The following FRMD4A variants were observed in gnomAD, a reference collection of about 807,000 sequenced individuals.
FRMD4A encodes the protein FERM domain containing 4A.
In FRMD4A, 29 loss-of-function variants were observed where a neutral mutation model predicts 129.1. The observed-to-expected ratio is 0.22, with a 90% confidence interval of 0.17 to 0.31. FRMD4A has a LOEUF of 0.31. FRMD4A is among the 10% of genes least tolerant of loss of function. The pLI is 1.00. For synonymous variants in FRMD4A, 634 were observed against 571.6 expected (o/e 1.11, Z -1.56); for missense variants, 1,272 against 1,375.8 (o/e 0.92, Z 1.19).
intron 5 of FRMD4A, among the ~76,000 whole-genome samples, chr10:13,794,976 G>A (rs1321513671): frequency 6.6e-6 from 1 of 152,162 alleles, no homozygotes; most frequent in Non-Finnish European, 1.5e-5. Context: ...CACCACCAAC[G>A]TCAAGGTGCC....
At chr10:13,711,340 C>G (rs1475047408) in intron 12 of FRMD4A, among the ~76,000 whole-genome samples, 2 of 152,268 alleles carry the variant, frequency 1.3e-5, no homozygotes, top group African/African-American at 4.8e-5. Flanking sequence ...ACAGGAGATG[C>G]TCCACCTTGC....
intron 2 of FRMD4A, among the ~76,000 whole-genome samples, chr10:14,323,660 C>T (rs1843151753): frequency 6.6e-6 from 1 of 152,128 alleles, no homozygotes; most frequent in African/African-American, 2.4e-5. Flanking sequence ...TTTTTGGAAC[C>T]TGCTTTTCCC....
intron 2 of FRMD4A, among the ~76,000 whole-genome samples, chr10:14,064,585 T>A (rs1834966740): frequency 6.6e-6 from 1 of 152,134 alleles, no homozygotes; most frequent in Non-Finnish European, 1.5e-5. Flanking sequence ...ATTTTTTTAT[T>A]TATTTATTTT....
intron 6 of FRMD4A, among the ~76,000 whole-genome samples, chr10:13,772,047 G>A (rs1224418194): frequency 6.6e-6 from 1 of 150,910 alleles, no homozygotes; most frequent in African/African-American, 2.4e-5. Flanking sequence ...AACCCAGGAG[G>A]CAGAGGTTGC....
chr10:14,042,924 C>CAAAAAAAAAAAAA (rs57492155), intron 2 of FRMD4A, among the ~76,000 whole-genome samples: 1 of 62,800 alleles, frequency 1.6e-5, no homozygotes, highest in Admixed American at 2.1e-4. Flanking sequence ...GACTCCATCT[C>CAAAAAAAAAAAAA]AAAAAAAAAA....
intron 2 of FRMD4A, among the ~76,000 whole-genome samples, chr10:14,183,120 T>C (rs1268263631): frequency 1.3e-5 from 2 of 152,172 alleles, no homozygotes; most frequent in Non-Finnish European, 2.9e-5. Context: ...ACAAGAACAC[T>C]GAAGTTTACA....
intron 2 of FRMD4A, among the ~76,000 whole-genome samples, chr10:14,055,377 G>A (rs1341288401): frequency 6.6e-6 from 1 of 151,438 alleles, no homozygotes; most frequent in Non-Finnish European, 1.5e-5. Flanking sequence ...AATAATAGAA[G>A]GTAAGGCTTG....
At chr10:14,105,796 T>C (rs1837557455) in intron 2 of FRMD4A, among the ~76,000 whole-genome samples, 1 of 152,218 alleles carries the variant, frequency 6.6e-6, no homozygotes, top group Admixed American at 6.5e-5. Flanking sequence ...ACACACTGGG[T>C]CATTTGCTTT....
intron 2 of FRMD4A, among the ~76,000 whole-genome samples, chr10:13,888,045 G>A (rs180937023): frequency 2.0e-5 from 3 of 152,304 alleles, no homozygotes; most frequent in Admixed American, 2.0e-4. Flanking sequence ...TCTGGCCTTT[G>A]TGTGCAATCG....
intron 2 of FRMD4A, among the ~76,000 whole-genome samples, chr10:14,123,207 C>T (rs982799380): frequency 2.0e-5 from 3 of 152,056 alleles, no homozygotes; most frequent in Non-Finnish European, 4.4e-5. Flanking sequence ...TCAGCTGGAG[C>T]GAAACTGTTG....
chr10:13,689,314 A>G (rs2085443576), intron 15 of FRMD4A, among the ~76,000 whole-genome samples: 1 of 149,672 alleles, frequency 6.7e-6, no homozygotes, highest in South Asian at 2.1e-4. Context: ...CAGTGTTGTG[A>G]CATGGCTCAG....
intron 2 of FRMD4A, among the ~76,000 whole-genome samples, chr10:13,934,423 G>T (rs1176061777): frequency 3.3e-5 from 5 of 152,056 alleles, no homozygotes; most frequent in African/African-American, 1.2e-4. Flanking sequence ...TAATTTTATA[G>T]CTGAAAAAGC....
intron 2 of FRMD4A, among the ~76,000 whole-genome samples, chr10:14,024,873 T>C (rs1437675283): frequency 2.0e-5 from 3 of 152,230 alleles, no homozygotes; most frequent in Non-Finnish European, 4.4e-5. Context: ...TCTAGCCCAT[T>C]TCTCAGTTGA....
chr10:14,124,671 G>T (rs1406488138), intron 2 of FRMD4A, among the ~76,000 whole-genome samples: 6 of 152,042 alleles, frequency 3.9e-5, no homozygotes, highest in Middle Eastern at 6.8e-3. Flanking sequence ...GCAAGACTTT[G>T]TCTCAACTAC....
At chr10:14,042,871 G>A (rs1309319813) in intron 2 of FRMD4A, among the ~76,000 whole-genome samples, 1 of 125,886 alleles carries the variant, frequency 7.9e-6, no homozygotes, top group Non-Finnish European at 1.5e-5. Context: ...GACGCTGTAA[G>A]CCAAGATCGT....
intron 2 of FRMD4A, among the ~76,000 whole-genome samples, chr10:14,237,685 G>A (rs1222665913): frequency 2.6e-5 from 4 of 152,170 alleles, no homozygotes; most frequent in Non-Finnish European, 4.4e-5. Context: ...GAGAATTCCA[G>A]CTCTGTTTAT....
chr10:14,326,149 G>C (rs766165318), intron 2 of FRMD4A: 1 of 152,158 alleles, frequency 6.6e-6, no homozygotes. Flanking sequence ...TCTTGCTAGA[G>C]TCAAGCCAGA....
At chr10:13,705,104 C>T (rs1306967352) in intron 13 of FRMD4A, among the ~76,000 whole-genome samples, 1 of 152,182 alleles carries the variant, frequency 6.6e-6, no homozygotes, top group Non-Finnish European at 1.5e-5. Flanking sequence ...TGCCTGTCTT[C>T]TCAGTTACAC....
intron 5 of FRMD4A, among the ~76,000 whole-genome samples, chr10:13,788,426 C>T (rs140919874): frequency 3.2e-4 from 49 of 152,324 alleles, no homozygotes; most frequent in African/African-American, 9.4e-4. Flanking sequence ...AATTGTTTCC[C>T]GGCTCCCCAA....
Sources: allele counts gnomAD v4.1 joint callset (sites outside exome capture counted in the v4.1 genomes callset), GRCh38; gene constraint gnomAD v4.1.1; transcripts MANE v1.5; gene names NCBI Gene and HGNC (gene_info 2026-07-23, HGNC 2026-07-21).